The following ZC3H12B variants were observed in gnomAD, a reference collection of about 807,000 sequenced individuals.
ZC3H12B encodes the protein zinc finger CCCH-type containing 12B.
A neutral mutation model predicts 43.9 loss-of-function variants in ZC3H12B; 7 were observed. The ratio of observed to expected loss-of-function variants is 0.16; its 90% confidence interval spans 0.09 to 0.30. The LOEUF (loss-of-function observed/expected upper bound fraction) is 0.30. ZC3H12B is among the 10% of genes least tolerant of loss of function. The pLI is 1.00. For missense variants in ZC3H12B, 475 were observed against 670.2 expected (o/e 0.71, Z 3.22); for synonymous variants, 222 against 241.7 (o/e 0.92, Z 0.76).
At chrX:65,247,802 G>A in the ZC3H12B span, among the ~76,000 whole-genome samples, 1 of 111,359 alleles carries the variant, frequency 9.0e-6, no homozygotes, top group African/African-American at 3.3e-5. Context: ...CTAGGTGATG[G>A]GATGATCCGT....
At chrX:65,171,638 A>AG in the ZC3H12B span, among the ~76,000 whole-genome samples, 6 of 111,245 alleles carry the variant, frequency 5.4e-5, no homozygotes, top group Admixed American at 9.5e-5. Flanking sequence ...GTGCCCCCAG[A>AG]GGTGGAGTCT....
the ZC3H12B span, among the ~76,000 whole-genome samples, chrX:65,136,862 T>C: frequency 8.9e-6 from 1 of 111,971 alleles, no homozygotes; most frequent in East Asian, 2.8e-4. Flanking sequence ...AAAGAATGTC[T>C]ATTTCATCTT....
chrX:65,252,691 C>T, the ZC3H12B span, among the ~76,000 whole-genome samples: 1 of 111,655 alleles, frequency 9.0e-6, no homozygotes, highest in Admixed American at 9.5e-5. Context: ...TTTAAATTGG[C>T]CATTTACATT....
the ZC3H12B span, among the ~76,000 whole-genome samples, chrX:65,344,959 C>T: frequency 8.9e-6 from 1 of 112,191 alleles, no homozygotes; most frequent in Non-Finnish European, 1.9e-5. Flanking sequence ...AAAAGCTCAA[C>T]ATCACTCATC....
chrX:65,090,207 C>A, the ZC3H12B span, among the ~76,000 whole-genome samples: 3 of 111,888 alleles, frequency 2.7e-5, no homozygotes, highest in African/African-American at 9.8e-5. Flanking sequence ...CCTTGTGCTA[C>A]ATTGTTGCAG....
chrX:65,066,518 C>A, the ZC3H12B span, among the ~76,000 whole-genome samples: 2 of 111,566 alleles, frequency 1.8e-5, no homozygotes, highest in Non-Finnish European at 3.8e-5. Context: ...TGGAAGCTTC[C>A]TCCCAGAGGT....
chrX:65,207,230 A>ATG, the ZC3H12B span, among the ~76,000 whole-genome samples: 20 of 103,306 alleles, frequency 1.9e-4, no homozygotes, highest in East Asian at 1.2e-3. Context: ...GAGCACATAT[A>ATG]TGTGTGTGTG....
the ZC3H12B span, among the ~76,000 whole-genome samples, chrX:65,203,771 C>T: frequency 4.5e-5 from 5 of 111,708 alleles, no homozygotes; most frequent in Admixed American, 9.5e-5. Flanking sequence ...CCTGCAAGTG[C>T]GCTGGCACTA....
At chrX:65,492,649 G>C (rs1027501094) in intron 1 of ZC3H12B, among the ~76,000 whole-genome samples, 1 of 111,919 alleles carries the variant, frequency 8.9e-6, no homozygotes, top group Non-Finnish European at 1.9e-5. Context: ...TCAAAGTTCA[G>C]CGCTATAGTC....
chrX:65,363,116 C>A (rs755540077), upstream of ZC3H12B, among the ~76,000 whole-genome samples: 4 of 111,552 alleles, frequency 3.6e-5, no homozygotes, highest in East Asian at 1.1e-3. Flanking sequence ...TTCAGCCAAG[C>A]TCTTTCTCGT....
At chrX:65,124,033 A>G in the ZC3H12B span, among the ~76,000 whole-genome samples, 11 of 111,106 alleles carry the variant, frequency 9.9e-5, no homozygotes, top group Non-Finnish European at 1.9e-4. Flanking sequence ...TATGTTGAAT[A>G]GAAGTGGTTA....
At chrX:65,230,895 G>T in the ZC3H12B span, among the ~76,000 whole-genome samples, 9 of 111,813 alleles carry the variant, frequency 8.0e-5, no homozygotes, top group Non-Finnish European at 1.5e-4. Context: ...CTACTTTAAC[G>T]CTGTAATTTT....
Position 65,383,748 on chromosome X carries a change from A to AATTT in ZC3H12B, n.295+14752_295+14755dup, listed in dbSNP as rs1242806787. 8.1e-5 allele frequency among the ~76,000 whole-genome samples: 9 copies of AATTT among 111,684 alleles called. No homozygotes were observed. The South Asian group carries it at 3.4e-3, about 42-fold the overall frequency. On this transcript the variant is annotated intron_variant and non_coding_transcript_variant, in intron 2 of 5. Coordinates refer to the ZC3H12B transcript ENST00000617377. Reference sequence around the variant, plus strand: ...CCAGAATCTACAATGAACTCAAACAAATTTACAAGAAAAAAAACAAACAAC... The same window carrying AATTT: ...CCAGAATCTACAATGAACTCAAACAAATTTATTTACAAGAAAAAAAACAAACAAC...
chrX:65,353,868 C>T, the ZC3H12B span, among the ~76,000 whole-genome samples: 3 of 111,583 alleles, frequency 2.7e-5, no homozygotes, highest in Admixed American at 2.8e-4. Context: ...CTGGGCAGAG[C>T]CCACCACAGT....
chrX:65,119,432 G>T, the ZC3H12B span, among the ~76,000 whole-genome samples: 1 of 112,040 alleles, frequency 8.9e-6, no homozygotes, highest in Non-Finnish European at 1.9e-5. Context: ...GTCTCTGTTG[G>T]CTGCATAAAT....
the ZC3H12B span, among the ~76,000 whole-genome samples, chrX:65,282,181 G>A: frequency 9.0e-6 from 1 of 111,196 alleles, no homozygotes; most frequent in African/African-American, 3.3e-5. Flanking sequence ...CAGGCACAGT[G>A]GTTCACACTT....
chrX:65,281,875 G>A, the ZC3H12B span, among the ~76,000 whole-genome samples: 29 of 112,044 alleles, frequency 2.6e-4, no homozygotes, highest in African/African-American at 8.4e-4. Flanking sequence ...AATCAGCAGA[G>A]TGGAAAGACA....
the ZC3H12B span, among the ~76,000 whole-genome samples, chrX:65,153,112 C>T: frequency 9.8e-5 from 11 of 111,921 alleles, no homozygotes; most frequent in African/African-American, 3.6e-4. Context: ...AAATGATAGG[C>T]CTAAAACCAT....
At chrX:65,223,972 AGTC>A in the ZC3H12B span, among the ~76,000 whole-genome samples, 8 of 112,625 alleles carry the variant, frequency 7.1e-5, no homozygotes, top group Admixed American at 7.5e-4. Flanking sequence ...GAGGAAAAGA[AGTC>A]ATTATATGAA....
Sources: allele counts gnomAD v4.1 joint callset (sites outside exome capture counted in the v4.1 genomes callset), GRCh38; gene constraint gnomAD v4.1.1; transcripts MANE v1.5; gene names NCBI Gene and HGNC (gene_info 2026-07-23, HGNC 2026-07-21).